CDH12: variants seen among roughly 807,000 people sequenced by gnomAD.
CDH12 encodes the protein cadherin-12.
A neutral mutation model predicts 74.1 loss-of-function variants in CDH12; 41 were observed. The ratio of observed to expected loss-of-function variants is 0.55; its 90% CI spans 0.43 to 0.72. The LOEUF (loss-of-function observed/expected upper bound fraction) is 0.72, where lower values mean the gene tolerates loss of function less well. CDH12 is among the 30% of genes least tolerant of loss of function. CDH12 has a pLI of 0.00. For missense variants in CDH12, 945 were observed against 977.2 expected (o/e 0.97, Z 0.44); for synonymous variants, 399 against 355.0 (o/e 1.12, Z -1.39).
chr5:22,154,657 TATAATA>T (rs57078125), intron 4 of CDH12, among the ~76,000 whole-genome samples: 2,691 of 149,470 alleles, frequency 0.018, 41 homozygotes, highest in Non-Finnish European at 0.026. Flanking sequence ...TATACACATA[TATAATA>T]ATAATAATAT....
chr5:22,190,354 G>GTCTATCTA (rs1413714147), intron 4 of CDH12, among the ~76,000 whole-genome samples: 104 of 149,286 alleles, frequency 7.0e-4, no homozygotes, highest in Non-Finnish European at 1.0e-3. Context: ...CCATCTGTCT[G>GTCTATCTA]TCTGTCTATC....
rs1047462911 is a variant in CDH12 at position 22,671,961 on chromosome 5, A to G, written c.-522-166597T>C. On this transcript the variant is annotated intron_variant, in intron 1 of 14. Coordinates refer to ENST00000382254, the MANE Select transcript of CDH12 (RefSeq NM_004061.5). The stretch of plus-strand genomic sequence containing the variant: ...TACCTCAGTCACCTTTAAAGGCTCC[A>G]CCTAAAATACTTTCTCTATATTATA... Among the ~76,000 whole-genome samples the G allele has an allele frequency of 1.8e-4, 26 of 146,434 alleles. No individual in the cohort carries two copies. In the Admixed American group the frequency reaches 1.8e-3, roughly 10 times the overall value.
chr5:22,062,194 C>T (rs1405009568), intron 5 of CDH12, among the ~76,000 whole-genome samples: 2 of 152,086 alleles, frequency 1.3e-5, no homozygotes, highest in Non-Finnish European at 2.9e-5. Context: ...TTAAAGTAAA[C>T]ACATTGAACC....
chr5:22,734,896 A>C (rs906176104), intron 1 of CDH12, among the ~76,000 whole-genome samples: 15 of 151,948 alleles, frequency 9.9e-5, no homozygotes, highest in African/African-American at 3.4e-4. Flanking sequence ...TCAATAAGAC[A>C]ATGAGTGCAG....
chr5:21,886,705 AT>A (rs2150039571), intron 6 of CDH12, among the ~76,000 whole-genome samples: 1 of 151,070 alleles, frequency 6.6e-6, no homozygotes, highest in Non-Finnish European at 1.5e-5. Context: ...TAATTATTCC[AT>A]TTTTCTAATA....
At chr5:22,823,300 G>T (rs1377815821) in intron 1 of CDH12, among the ~76,000 whole-genome samples, 3 of 151,788 alleles carry the variant, frequency 2.0e-5, no homozygotes, top group Non-Finnish European at 4.4e-5. Flanking sequence ...GAGTTAATGG[G>T]TGCAGCGCAC....
At chr5:22,590,072 T>A (rs1420721052) in intron 1 of CDH12, among the ~76,000 whole-genome samples, 1 of 152,156 alleles carries the variant, frequency 6.6e-6, no homozygotes. Flanking sequence ...TCGACAATTT[T>A]CTGTAAATCT....
intron 4 of CDH12, among the ~76,000 whole-genome samples, chr5:22,196,742 TC>T (rs1750639465): frequency 6.6e-6 from 1 of 152,184 alleles, no homozygotes; most frequent in Admixed American, 6.5e-5. Flanking sequence ...GTCCTACTTC[TC>T]CTTGTTGCCT....
chr5:22,275,862 T>C (rs938544636), intron 3 of CDH12, among the ~76,000 whole-genome samples: 2 of 152,300 alleles, frequency 1.3e-5, no homozygotes, highest in East Asian at 1.9e-4. Context: ...AAAAAACCTC[T>C]ACGACTAGTT....
intron 1 of CDH12, among the ~76,000 whole-genome samples, chr5:22,725,748 A>G (rs1744134334): frequency 6.6e-6 from 1 of 151,762 alleles, no homozygotes; most frequent in Non-Finnish European, 1.5e-5. Context: ...TTCAGACTAT[A>G]GCAGCACATT....
chr5:22,401,810 G>C (rs1742741338), intron 3 of CDH12, among the ~76,000 whole-genome samples: 1 of 152,256 alleles, frequency 6.6e-6, no homozygotes, highest in South Asian at 2.1e-4. Context: ...ATCTTTGTAA[G>C]AGACAGAAGA....
At chr5:21,931,484 T>C (rs978505360) in intron 6 of CDH12, among the ~76,000 whole-genome samples, 3 of 152,122 alleles carry the variant, frequency 2.0e-5, no homozygotes, top group Non-Finnish European at 2.9e-5. Flanking sequence ...ACAAAAGAAA[T>C]ATTCACTAAT....
intron 1 of CDH12, among the ~76,000 whole-genome samples, chr5:22,605,298 C>T (rs1737054347): frequency 6.6e-6 from 1 of 152,186 alleles, no homozygotes; most frequent in African/African-American, 2.4e-5. Flanking sequence ...CATAATAAAT[C>T]TCTTTCTCTA....
intron 2 of CDH12, among the ~76,000 whole-genome samples, chr5:22,418,517 T>C (rs957872311): frequency 2.6e-5 from 4 of 152,216 alleles, no homozygotes; most frequent in African/African-American, 7.2e-5. Context: ...TATCCTTGTC[T>C]TGTGCCGGTT....
chr5:22,314,941 C>CTTT (rs759734847), intron 3 of CDH12, among the ~76,000 whole-genome samples: 4,540 of 67,640 alleles, frequency 0.067, 1,416 homozygotes, highest in Middle Eastern at 0.1. Flanking sequence ...CTGGGTTGGT[C>CTTT]TTTTTTTTTT....
chr5:22,829,867 G>A (rs1736505852), intron 1 of CDH12, among the ~76,000 whole-genome samples: 1 of 152,114 alleles, frequency 6.6e-6, no homozygotes, highest in South Asian at 2.1e-4. Context: ...AGTTGGTTGT[G>A]GATGGTCTAT....
intron 1 of CDH12, among the ~76,000 whole-genome samples, chr5:22,543,802 A>C (rs552923184): frequency 6.6e-6 from 1 of 152,190 alleles, no homozygotes. Context: ...TTTGGTCCCA[A>C]GACACTTACT....
At chr5:22,655,471 T>A (rs1371134383) in intron 1 of CDH12, among the ~76,000 whole-genome samples, 1 of 152,242 alleles carries the variant, frequency 6.6e-6, no homozygotes, top group Admixed American at 6.5e-5. Flanking sequence ...CTCCACACCA[T>A]CTTCTATTAA....
chr5:22,545,615 A>G (rs1253248624), intron 1 of CDH12, among the ~76,000 whole-genome samples: 1 of 152,222 alleles, frequency 6.6e-6, no homozygotes, highest in Admixed American at 6.5e-5. Context: ...TAAGCCTACG[A>G]TCAAAATAAA....
Sources: allele counts gnomAD v4.1 joint callset (sites outside exome capture counted in the v4.1 genomes callset), GRCh38; gene constraint gnomAD v4.1.1; transcripts MANE v1.5; gene names NCBI Gene and HGNC (gene_info 2026-07-23, HGNC 2026-07-21).